GREB1L: variants seen among roughly 807,000 people sequenced by gnomAD.
The protein encoded by GREB1L is GREB1-like protein.
In GREB1L, 17 loss-of-function variants were observed where a neutral mutation model predicts 200.8. The observed-to-expected ratio is 0.08, with a 90% CI of 0.06 to 0.13. The LOEUF (loss-of-function observed/expected upper bound fraction) is 0.13. Ranked by LOEUF, GREB1L falls within the 10% of genes least tolerant of loss-of-function variation. The pLI is 1.00. For missense variants in GREB1L, 1,657 were observed against 2,367.7 expected (o/e 0.70, Z 6.23); for synonymous variants, 789 against 893.0 (o/e 0.88, Z 2.08).
At chr18:21,512,196 T>A (rs762845541) in intron 27 of GREB1L, among the ~76,000 whole-genome samples, 2 of 152,200 alleles carry the variant, frequency 1.3e-5, no homozygotes, top group Non-Finnish European at 2.9e-5. Flanking sequence ...ACTGGATGAA[T>A]CGCAGGATAG....
intron 30 of GREB1L, 69 bp from the exon 31 acceptor site, chr18:21,517,965 C>A: frequency 8.4e-7 from 1 of 1,184,938 alleles, no homozygotes; most frequent in Non-Finnish European, 1.2e-6. Flanking sequence ...GGATACACTT[C>A]AGTGTTTCCT....
At chr18:21,446,909 G>T (rs1366764703) in intron 11 of GREB1L, among the ~76,000 whole-genome samples, 1 of 152,154 alleles carries the variant, frequency 6.6e-6, no homozygotes, top group Non-Finnish European at 1.5e-5. Flanking sequence ...GAAAATCTTT[G>T]AAGTAGATAA....
chr18:21,508,701 C>T, intron 27 of GREB1L, 110 bp downstream of exon 27: 3 of 753,274 alleles, frequency 4.0e-6, no homozygotes, highest in Non-Finnish European at 6.4e-6. Flanking sequence ...TCCTGCCCTC[C>T]TCACCACTCT....
At chr18:21,512,846 C>T (rs1028046138) in intron 27 of GREB1L, among the ~76,000 whole-genome samples, 52 of 152,158 alleles carry the variant, frequency 3.4e-4, no homozygotes, top group African/African-American at 1.2e-3. Context: ...ATTACACACA[C>T]GTTCTTGGAA....
intron 1 of GREB1L, among the ~76,000 whole-genome samples, chr18:21,256,744 G>A (rs769651348): frequency 4.1e-4 from 62 of 152,170 alleles, no homozygotes; most frequent in Middle Eastern, 3.4e-3. Context: ...TCCCAGTCAC[G>A]CCTGTAATCC....
chr18:21,346,294 A>T (rs1434930027), intron 1 of GREB1L, among the ~76,000 whole-genome samples: 1 of 152,122 alleles, frequency 6.6e-6, no homozygotes, highest in Non-Finnish European at 1.5e-5. Flanking sequence ...CTATAGTAGG[A>T]GTTTCTAAAC....
intron 1 of GREB1L, among the ~76,000 whole-genome samples, chr18:21,341,958 G>T (rs2039276024): frequency 1.3e-5 from 2 of 152,110 alleles, no homozygotes; most frequent in South Asian, 4.2e-4. Flanking sequence ...AGGGGCCATT[G>T]TTATAATCAA....
At chr18:21,413,329 A>G (rs1055177621) in intron 7 of GREB1L, among the ~76,000 whole-genome samples, 2 of 152,048 alleles carry the variant, frequency 1.3e-5, no homozygotes, top group African/African-American at 4.8e-5. Context: ...GTATCATTCA[A>G]CCGTCCCTAA....
chr18:21,393,676 G>T (rs759922725), intron 4 of GREB1L, among the ~76,000 whole-genome samples: 1 of 152,062 alleles, frequency 6.6e-6, no homozygotes, highest in Non-Finnish European at 1.5e-5. Flanking sequence ...TGATCCGCCC[G>T]CTTCTGCCTT....
rs187161594 is a variant in GREB1L, at chr18:21,524,734, C to A, written c.*1913C>A. The A allele has an allele frequency of 3.3e-5, 5 of 152,010 alleles. No individual in the cohort carries two copies. Among genetic ancestry groups the A allele is most frequent in the African/African-American group, 1.2e-4 (5 of 41,454 alleles). The allele number at this position is 152,010 out of a possible 1,614,324, so 9.4% of individuals were successfully genotyped here. On this transcript the variant is annotated 3_prime_UTR_variant, in exon 33 of 33. Transcript: ENST00000424526. ...GAACTTTTTTTTTAAGTAGTTACATCAGATGCAGGTACTCCATTAGTTAGG... is the reference window on the plus strand; with the variant it reads ...GAACTTTTTTTTTAAGTAGTTACATAAGATGCAGGTACTCCATTAGTTAGG...
intron 1 of GREB1L, among the ~76,000 whole-genome samples, chr18:21,313,455 T>C (rs2038822648): frequency 6.6e-6 from 1 of 152,288 alleles, no homozygotes; most frequent in African/African-American, 2.4e-5. Context: ...AGGTCACTGG[T>C]ATTGTCAGCA....
chr18:21,468,718 T>TGTTCCAGGTTCC (rs1376758412), intron 15 of GREB1L: 1 of 456,562 alleles, frequency 2.2e-6, no homozygotes, highest in African/African-American at 2.0e-5. Context: ...TCGTTTTTCC[T>TGTTCCAGGTTCC]GTTCCAGGTT....
intron 1 of GREB1L, among the ~76,000 whole-genome samples, chr18:21,338,900 C>T (rs2039227467): frequency 6.6e-6 from 1 of 152,124 alleles, no homozygotes; most frequent in Non-Finnish European, 1.5e-5. Context: ...TTAAACTTAT[C>T]TTATTAGGCC....
chr18:21,463,174 CT>C (rs1270558093), intron 15 of GREB1L, among the ~76,000 whole-genome samples: 1 of 104,164 alleles, frequency 9.6e-6, no homozygotes, highest in Non-Finnish European at 1.7e-5. Context: ...GAGATGGAGT[CT>C]CGCTCTGTCC....
At chr18:21,438,829 T>C (rs1325985597) in intron 7 of GREB1L, among the ~76,000 whole-genome samples, 4 of 149,560 alleles carry the variant, frequency 2.7e-5, no homozygotes, top group Non-Finnish European at 5.9e-5. Flanking sequence ...GGCATGGTGG[T>C]GGGCGCCTGT....
chr18:21,343,099 C>T (rs2039291739), intron 1 of GREB1L, among the ~76,000 whole-genome samples: 1 of 151,488 alleles, frequency 6.6e-6, no homozygotes. Flanking sequence ...CCATTTAGTA[C>T]CTAAGTCATG....
intron 1 of GREB1L, among the ~76,000 whole-genome samples, chr18:21,302,332 A>G (rs763259645): frequency 2.6e-5 from 4 of 152,206 alleles, no homozygotes; most frequent in Admixed American, 2.0e-4. Flanking sequence ...TTACTGTCAA[A>G]AGACAAAATT....
intron 1 of GREB1L, among the ~76,000 whole-genome samples, chr18:21,325,721 G>A (rs2039012428): frequency 6.6e-6 from 1 of 151,050 alleles, no homozygotes; most frequent in African/African-American, 2.4e-5. Flanking sequence ...AGCTGAGGTG[G>A]GAGGATCAGT....
At chr18:21,440,919 ATGTT>A (rs2033863940) in intron 9 of GREB1L, among the ~76,000 whole-genome samples, 1 of 152,242 alleles carries the variant, frequency 6.6e-6, no homozygotes, top group African/African-American at 2.4e-5. Context: ...AGTTATTTAA[ATGTT>A]TGTTTAAATA....
Sources: allele counts gnomAD v4.1 joint callset (sites outside exome capture counted in the v4.1 genomes callset), GRCh38; gene constraint gnomAD v4.1.1; transcripts MANE v1.5; gene names NCBI Gene and HGNC (gene_info 2026-07-23, HGNC 2026-07-21).